Variants in SEPTIN7 observed in about 807,000 individuals in gnomAD.
The protein encoded by SEPTIN7 is septin 7, also known as septin-7.
Under a neutral mutation model 63.3 loss-of-function variants are expected in SEPTIN7, and 10 were observed. The observed-to-expected ratio is 0.16, with a 90% CI of 0.10 to 0.27. The LOEUF is 0.27. Ranked by LOEUF, SEPTIN7 falls within the 10% of genes least tolerant of loss-of-function variation. SEPTIN7 has a pLI of 1.00. For synonymous variants in SEPTIN7, 131 were observed against 165.3 expected (o/e 0.79, Z 1.59); for missense variants, 310 against 521.0 (o/e 0.59, Z 3.94).
the SEPTIN7 span, among the ~76,000 whole-genome samples, chr7:35,914,610 A>G: frequency 1.3e-5 from 2 of 151,440 alleles, no homozygotes; most frequent in Admixed American, 1.3e-4. Flanking sequence ...TCCTTACAAT[A>G]AATCTCTCTC....
chr7:35,837,233 CTCTT>C (rs1402454100), intron 3 of SEPTIN7, among the ~76,000 whole-genome samples: 3 of 152,086 alleles, frequency 2.0e-5, no homozygotes, highest in Non-Finnish European at 4.4e-5. Flanking sequence ...TTGATAATAA[CTCTT>C]AAGTATAGGA....
chr7:35,812,194 C>A, intron 1 of SEPTIN7: 1 of 160,276 alleles, frequency 6.2e-6, no homozygotes, highest in Non-Finnish European at 1.4e-5. Flanking sequence ...CAGCTGTGGG[C>A]GAAAAAGATA....
chr7:35,872,849 C>G (rs2116218702), intron 5 of SEPTIN7, 83 bp downstream of exon 5: 1 of 924,404 alleles, frequency 1.1e-6, no homozygotes, highest in Non-Finnish European at 1.7e-6. Context: ...CATTTTAAAA[C>G]TTCTCATCTT....
At chr7:35,865,514 A>G (rs1227129351) in intron 4 of SEPTIN7, among the ~76,000 whole-genome samples, 3 of 151,894 alleles carry the variant, frequency 2.0e-5, no homozygotes, top group Admixed American at 6.6e-5. Flanking sequence ...ATGTATCAGT[A>G]TATCATTTAT....
intron 10 of SEPTIN7, among the ~76,000 whole-genome samples, chr7:35,887,381 A>C (rs1021272159): frequency 1.3e-5 from 2 of 152,228 alleles, no homozygotes; most frequent in African/African-American, 2.4e-5. Context: ...ATGGAGTCTC[A>C]CTTTCTTGCC....
intron 10 of SEPTIN7, among the ~76,000 whole-genome samples, chr7:35,886,914 G>A (rs1787287339): frequency 6.6e-6 from 1 of 152,148 alleles, no homozygotes. Flanking sequence ...TAAATAAATG[G>A]CATGTAATTG....
chr7:35,835,845 A>G (rs974044683), intron 3 of SEPTIN7, among the ~76,000 whole-genome samples: 1 of 152,210 alleles, frequency 6.6e-6, no homozygotes, highest in African/African-American at 2.4e-5. Context: ...TGAATGTTAT[A>G]GTCTAGGGAC....
At chr7:35,841,307 C>T (rs1371128043) in intron 3 of SEPTIN7, among the ~76,000 whole-genome samples, 6 of 151,956 alleles carry the variant, frequency 3.9e-5, no homozygotes, top group Admixed American at 2.0e-4. Context: ...TGATAATATC[C>T]CAGTTTCATT....
chr7:35,869,338 C>T (rs1226258321), intron 4 of SEPTIN7, among the ~76,000 whole-genome samples: 2 of 152,124 alleles, frequency 1.3e-5, no homozygotes, highest in Non-Finnish European at 2.9e-5. Context: ...GTCACTTCCT[C>T]TTTCATTTTC....
At chr7:35,849,611 AAAAC>A (rs1328006493) in intron 3 of SEPTIN7, among the ~76,000 whole-genome samples, 1 of 152,212 alleles carries the variant, frequency 6.6e-6, no homozygotes, top group South Asian at 2.1e-4. Flanking sequence ...ATTAAAAAGT[AAAAC>A]AAAGAATAGC....
At chr7:35,804,815 G>T (rs1274599398) in intron 1 of SEPTIN7, among the ~76,000 whole-genome samples, 1 of 150,098 alleles carries the variant, frequency 6.7e-6, no homozygotes, top group Non-Finnish European at 1.5e-5. Context: ...ATGACAAATG[G>T]TAAGCGTGTT....
chr7:35,801,538 A>G (rs1157673460), intron 1 of SEPTIN7, among the ~76,000 whole-genome samples: 1 of 151,506 alleles, frequency 6.6e-6, no homozygotes, highest in Non-Finnish European at 1.5e-5. Flanking sequence ...CCCCCGGCGC[A>G]GAGCCGCGGC....
chr7:35,813,039 A>G (rs1280141052), intron 1 of SEPTIN7, among the ~76,000 whole-genome samples: 3 of 152,196 alleles, frequency 2.0e-5, no homozygotes, highest in Non-Finnish European at 4.4e-5. Context: ...AATAACTATC[A>G]TCTGTAGGGC....
chr7:35,854,176 C>CT (rs1785089217), intron 3 of SEPTIN7, among the ~76,000 whole-genome samples: 1 of 152,152 alleles, frequency 6.6e-6, no homozygotes, highest in Non-Finnish European at 1.5e-5. Context: ...CAACACGCTT[C>CT]TGGTCCCAAG....
At chr7:35,873,862 G>A (rs1390375809) in intron 6 of SEPTIN7, 87 bp downstream of exon 6, 1 of 1,267,234 alleles carries the variant, frequency 7.9e-7, no homozygotes, top group East Asian at 2.4e-5. Flanking sequence ...CTTTAAGTTT[G>A]TGAAGTACAC....
At chr7:35,833,002 G>A (rs576276173) in intron 3 of SEPTIN7, 102 bp downstream of exon 3, 3 of 690,364 alleles carry the variant, frequency 4.3e-6, no homozygotes, top group Admixed American at 4.8e-5. Flanking sequence ...TATCTACAGT[G>A]ATCATATCTT....
At chr7:35,839,438 A>T (rs913606703) in intron 3 of SEPTIN7, among the ~76,000 whole-genome samples, 37 of 152,164 alleles carry the variant, frequency 2.4e-4, no homozygotes, top group African/African-American at 8.2e-4. Context: ...TACAGAATGG[A>T]AATTTTGGTC....
intron 4 of SEPTIN7, among the ~76,000 whole-genome samples, chr7:35,871,181 A>G (rs1175101727): frequency 6.6e-6 from 1 of 152,204 alleles, no homozygotes; most frequent in African/African-American, 2.4e-5. Flanking sequence ...TATCAGGATC[A>G]AAGCAGTTTA....
intron 4 of SEPTIN7, among the ~76,000 whole-genome samples, chr7:35,866,399 T>C (rs1562560571): frequency 6.6e-6 from 1 of 152,198 alleles, no homozygotes; most frequent in Non-Finnish European, 1.5e-5. Context: ...AGGGGAGTGG[T>C]CACCAGTATT....
Sources: allele counts gnomAD v4.1 joint callset (sites outside exome capture counted in the v4.1 genomes callset), GRCh38; gene constraint gnomAD v4.1.1; transcripts MANE v1.5; gene names NCBI Gene and HGNC (gene_info 2026-07-23, HGNC 2026-07-21).